Variants in MAP4 observed in about 807,000 individuals in gnomAD.
The protein encoded by MAP4 is microtubule-associated protein 4.
A neutral mutation model predicts 170.2 loss-of-function variants in MAP4; 76 were observed. That is an observed-to-expected ratio of 0.45 (90% confidence interval 0.37 to 0.54). The LOEUF (loss-of-function observed/expected upper bound fraction) is 0.54, where lower values mean the gene tolerates loss of function less well. Ranked by LOEUF, MAP4 falls within the 20% of genes least tolerant of loss-of-function variation. The probability of loss-of-function intolerance (pLI) is 0.00; values close to 1 mark genes in which losing one functional copy is unlikely to be tolerated. For synonymous variants in MAP4, 909 were observed against 994.5 expected (o/e 0.91, Z 1.62); for missense variants, 2,506 against 2,748.0 (o/e 0.91, Z 1.97).
intron 5 of MAP4, among the ~76,000 whole-genome samples, chr3:47,919,119 G>A (rs182011040): frequency 6.6e-6 from 1 of 151,492 alleles, no homozygotes; most frequent in Non-Finnish European, 1.5e-5. Flanking sequence ...TTTTAGTAGA[G>A]GCGGGGTTTC....
In MAP4 at chr3:48,023,293, A is replaced by G. The variant is rs191718031; in HGVS notation, c.-19-24414T>C. ...GATAATTATATATTTTAAGGAGACA[A>G]GGCTTAGAATTAGAACACTCTCATC... On this transcript the variant is annotated intron_variant, in intron 1 of 18. Transcript: ENST00000360240. 2.0e-3 allele frequency among the ~76,000 whole-genome samples: 310 copies of G among 152,360 alleles called. 1 individual carries two copies. Among genetic ancestry groups the G allele is most frequent in the African/African-American group, 7.0e-3 (292 of 41,586 alleles).
chr3:47,906,551 T>C (rs2100033134), intron 9 of MAP4, among the ~76,000 whole-genome samples: 1 of 151,406 alleles, frequency 6.6e-6, no homozygotes, highest in Admixed American at 6.6e-5. Context: ...GGCGTGGTGG[T>C]GCATGCCTGT....
chr3:48,007,642 A>G (rs1049316919), intron 1 of MAP4, among the ~76,000 whole-genome samples: 2 of 150,654 alleles, frequency 1.3e-5, no homozygotes, highest in African/African-American at 4.9e-5. Flanking sequence ...ATTTTGGAGC[A>G]AGGCCCTGCC....
At chr3:47,904,539 T>G (rs1342634530) in intron 9 of MAP4, among the ~76,000 whole-genome samples, 1 of 151,844 alleles carries the variant, frequency 6.6e-6, no homozygotes, top group African/African-American at 2.4e-5. Flanking sequence ...CTCGAACTCC[T>G]GACCTCAGGT....
intron 3 of MAP4, among the ~76,000 whole-genome samples, chr3:47,939,884 C>T (rs2100055237): frequency 2.0e-5 from 3 of 151,756 alleles, no homozygotes; most frequent in South Asian, 4.2e-4. Flanking sequence ...CACTCTGTTG[C>T]CTAGGCTGGA....
intron 1 of MAP4, among the ~76,000 whole-genome samples, chr3:48,085,068 T>C (rs2100148415): frequency 6.6e-6 from 1 of 152,098 alleles, no homozygotes; most frequent in Non-Finnish European, 1.5e-5. Flanking sequence ...TGGTTTCCTT[T>C]TCAAATTGAC....
chr3:48,017,875 C>T (rs1172870249), upstream of MAP4, among the ~76,000 whole-genome samples: 1 of 152,080 alleles, frequency 6.6e-6, no homozygotes, highest in Non-Finnish European at 1.5e-5. Flanking sequence ...GCACCAGGGA[C>T]AGGTTTCGTG....
At chr3:48,009,474 A>G (rs2154425348) in intron 1 of MAP4, among the ~76,000 whole-genome samples, 1 of 152,348 alleles carries the variant, frequency 6.6e-6, no homozygotes, top group East Asian at 1.9e-4. Flanking sequence ...CTCACTTTAC[A>G]GCTAAAGAAG....
chr3:48,012,721 A>AT (rs1297145857), intron 1 of MAP4, among the ~76,000 whole-genome samples: 1 of 152,152 alleles, frequency 6.6e-6, no homozygotes, highest in African/African-American at 2.4e-5. Context: ...TGGAATATGA[A>AT]CAGTAGCTGA....
Position 47,910,998 on chromosome 3 carries a change from C to T in MAP4, c.3423G>A (p.Glu1141=), listed in dbSNP as rs566566336. The T allele has an allele frequency of 5.3e-5, 81 of 1,536,206 alleles. No homozygotes were observed. The highest frequency in any genetic ancestry group is 3.4e-4 in the South Asian group (29 of 84,064). The change falls in exon 9 of 21, where the codon GAG becomes GAA. Residue 1141 remains glutamate, a synonymous_variant. Transcript: ENST00000683076. ...CCTTAGGCTGAGTCATCTCTTTAGG[C>T]TCCCCCATCACCACTGCCTCCGTGA... The part of the protein sequence containing the change: ...ADLTEAVVMG[E]PKEMTQPKVA...
rs2100148358 is a variant in MAP4 at position 48,084,959 on chromosome 3, TA to T, written c.-20+3813del. ...GCCCTACAATCCCCCTTCTTAACCT[TA>T]ATTGTTCTCAACCCACTCACTCCTA... On this transcript the variant is annotated intron_variant, in intron 1 of 18. Coordinates refer to the MAP4 transcript ENST00000360240. 2.0e-5 allele frequency among the ~76,000 whole-genome samples: 3 copies of T among 151,960 alleles called. No homozygotes were observed. The South Asian group carries it at 6.2e-4, about 32-fold the overall frequency.
intron 3 of MAP4, among the ~76,000 whole-genome samples, chr3:47,939,777 C>T (rs898403091): frequency 2.0e-5 from 3 of 150,710 alleles, no homozygotes; most frequent in Non-Finnish European, 4.4e-5. Context: ...GAAATGGGTA[C>T]ATTTTCCTCA....
intron 1 of MAP4, among the ~76,000 whole-genome samples, chr3:48,015,061 C>A (rs905542914): frequency 7.9e-5 from 12 of 152,104 alleles, no homozygotes; most frequent in African/African-American, 2.7e-4. Context: ...TAATACCATG[C>A]CAAAGACAAG....
intron 10 of MAP4, chr3:47,891,113 C>G: frequency 6.5e-7 from 1 of 1,536,432 alleles, no homozygotes; most frequent in Non-Finnish European, 8.7e-7. Flanking sequence ...AGCCGTCTGT[C>G]CTGGCTGTTT....
At chr3:47,994,793 T>C (rs1281438275) in intron 2 of MAP4, among the ~76,000 whole-genome samples, 2 of 151,888 alleles carry the variant, frequency 1.3e-5, no homozygotes, top group African/African-American at 2.4e-5. Context: ...CTACTAAAAA[T>C]ACAAAAATTA....
chr3:48,043,526 T>C (rs1265659387), intron 1 of MAP4, among the ~76,000 whole-genome samples: 1 of 152,238 alleles, frequency 6.6e-6, no homozygotes, highest in African/African-American at 2.4e-5. Context: ...TTCTTAATAC[T>C]AGCTTTAAGG....
chr3:48,023,389 T>C (rs1559809381), intron 1 of MAP4, among the ~76,000 whole-genome samples: 2 of 152,074 alleles, frequency 1.3e-5, no homozygotes. Context: ...ACATGTACAA[T>C]ATAATGTATC....
chr3:48,061,021 A>C (rs1049323527), intron 1 of MAP4, among the ~76,000 whole-genome samples: 1 of 151,582 alleles, frequency 6.6e-6, no homozygotes, highest in African/African-American at 2.4e-5. Context: ...ATTTTTTTGT[A>C]TTTTTAGTAG....
intron 1 of MAP4, among the ~76,000 whole-genome samples, chr3:48,045,696 A>G (rs1293342597): frequency 6.6e-6 from 1 of 152,242 alleles, no homozygotes; most frequent in African/African-American, 2.4e-5. Context: ...GGTAGTTTAA[A>G]TAGTGCTTAC....
Sources: allele counts gnomAD v4.1 joint callset (sites outside exome capture counted in the v4.1 genomes callset), GRCh38; gene constraint gnomAD v4.1.1; transcripts MANE v1.5; gene names NCBI Gene and HGNC (gene_info 2026-07-23, HGNC 2026-07-21).